Variants in KAZN observed in about 807,000 individuals in gnomAD.
The protein encoded by KAZN is kazrin.
In KAZN, 40 loss-of-function variants were observed where a neutral mutation model predicts 87.4. That is an observed-to-expected ratio of 0.46 (90% CI 0.36 to 0.60). KAZN has a LOEUF of 0.60. Ranked by LOEUF, KAZN falls within the 20% of genes least tolerant of loss-of-function variation. The pLI is 0.00. For missense variants in KAZN, 898 were observed against 1,073.9 expected, an observed-to-expected ratio of 0.84 and a Z score of 2.29; for synonymous variants, 466 against 458.3, an observed-to-expected ratio of 1.02 and a Z score of -0.22.
intron 1 of KAZN, among the ~76,000 whole-genome samples, chr1:14,114,929 G>T (rs1644581499): frequency 6.6e-6 from 1 of 152,182 alleles, no homozygotes; most frequent in Non-Finnish European, 1.5e-5. Context: ...TGGTTCACTT[G>T]CTTAGTGTTT....
intron 1 of KAZN, among the ~76,000 whole-genome samples, chr1:13,957,656 C>T (rs570510011): frequency 5.3e-5 from 8 of 151,974 alleles, no homozygotes; most frequent in Admixed American, 4.6e-4. Context: ...GTGCAGAGAT[C>T]GCCGGGTGAG....
intron 1 of KAZN, among the ~76,000 whole-genome samples, chr1:13,982,533 G>C (rs1638782151): frequency 6.6e-6 from 1 of 152,216 alleles, no homozygotes; most frequent in Admixed American, 6.5e-5. Flanking sequence ...CCACAGCATG[G>C]AAAGCGACCC....
intron 1 of KAZN, among the ~76,000 whole-genome samples, chr1:14,047,659 G>A (rs182618527): frequency 1.3e-5 from 2 of 152,294 alleles, no homozygotes; most frequent in East Asian, 3.9e-4. Context: ...CTTGAGGTCA[G>A]GAGCTTGAGA....
chr1:14,270,148 A>G (rs570676594), intron 2 of KAZN, among the ~76,000 whole-genome samples: 15 of 152,324 alleles, frequency 9.8e-5, no homozygotes, highest in African/African-American at 3.6e-4. Context: ...GAGACAAACC[A>G]CATCCAAACT....
chr1:14,509,437 T>C (rs1344386193), intron 2 of KAZN, among the ~76,000 whole-genome samples: 1 of 152,214 alleles, frequency 6.6e-6, no homozygotes, highest in Non-Finnish European at 1.5e-5. Context: ...TGGATGGAGA[T>C]GTGGCCCAGC....
intron 1 of KAZN, among the ~76,000 whole-genome samples, chr1:13,896,979 T>C (rs1249086436): frequency 6.6e-6 from 1 of 152,122 alleles, no homozygotes; most frequent in African/African-American, 2.4e-5. Context: ...AGTGGGAGCA[T>C]GAAGGTCTGG....
At chr1:13,923,781 A>G (rs924540132) in intron 1 of KAZN, among the ~76,000 whole-genome samples, 15 of 151,244 alleles carry the variant, frequency 9.9e-5, no homozygotes, top group African/African-American at 3.4e-4. Flanking sequence ...TGTCACTTTT[A>G]TTGAAATATA....
chr1:14,324,816 G>A (rs527777641), intron 2 of KAZN, among the ~76,000 whole-genome samples: 2 of 152,170 alleles, frequency 1.3e-5, no homozygotes, highest in South Asian at 4.2e-4. Flanking sequence ...AAGACTTACG[G>A]CTGCAAATAT....
chr1:14,313,060 C>T (rs1655410647), intron 2 of KAZN, among the ~76,000 whole-genome samples: 1 of 152,134 alleles, frequency 6.6e-6, no homozygotes, highest in African/African-American at 2.4e-5. Flanking sequence ...ACTAATACAA[C>T]ATGCATAGAG....
Position 14,790,528 on chromosome 1 carries a change from A to G in KAZN, c.227-170156A>G, listed in dbSNP as rs947536249. ...ACAGAGTTGTGCCACCATCACCACT[A>G]TCTAATTACAGAATGTTTACAGCAC... On this transcript the variant is annotated intron_variant, in intron 1 of 14. Transcript: ENST00000376030. Among the ~76,000 whole-genome samples the G allele has an allele frequency of 2.6e-5, 4 of 152,292 alleles. 1 individual carries two copies. Among genetic ancestry groups the G allele is most frequent in the South Asian group, 4.2e-4 (2 of 4,818 alleles).
chr1:14,021,756 A>T (rs926570), intron 1 of KAZN, among the ~76,000 whole-genome samples: 92,315 of 152,016 alleles, frequency 0.61, 29,250 homozygotes, highest in South Asian at 0.8. Flanking sequence ...AAGTGTCCTG[A>T]TGGTCAGCAT....
chr1:14,206,869 C>T (rs889207994), intron 2 of KAZN, among the ~76,000 whole-genome samples: 17 of 151,886 alleles, frequency 1.1e-4, no homozygotes, highest in Non-Finnish European at 4.4e-5. Flanking sequence ...CAGGTTGCTT[C>T]CAGGTTTTTC....
chr1:14,612,490 G>A (rs1190528773), intron 1 of KAZN, among the ~76,000 whole-genome samples: 1 of 152,150 alleles, frequency 6.6e-6, no homozygotes, highest in Non-Finnish European at 1.5e-5. Context: ...ATAAATCTGG[G>A]TTCAAGGGAA....
chr1:13,904,803 T>C (rs1162906229), intron 1 of KAZN, among the ~76,000 whole-genome samples: 1 of 152,194 alleles, frequency 6.6e-6, no homozygotes, highest in African/African-American at 2.4e-5. Flanking sequence ...GCATCTCAGA[T>C]GCAAATCATG....
chr1:14,923,920 G>C lies in KAZN; in HGVS notation c.227-36764G>C, dbSNP rs1658828860. 6.6e-6 allele frequency among the ~76,000 whole-genome samples: 1 copy of C among 152,150 alleles called. No homozygotes were observed. Among genetic ancestry groups the C allele is most frequent in the Non-Finnish European group, 1.5e-5 (1 of 68,010 alleles). On this transcript the variant is annotated intron_variant, in intron 1 of 14. Transcript: ENST00000376030. The surrounding 1 kb of genome is among the most constrained non-coding windows in gnomAD (Gnocchi z 4.2). ...CACAGCCACCCCTGTGACATCGGCC[G>C]TCTTTCTGACCCTCCGTGTCCCCGG... is the stretch of plus-strand genomic sequence containing the variant.
At chr1:14,530,285 G>A (rs1166512981) in intron 2 of KAZN, among the ~76,000 whole-genome samples, 5 of 152,188 alleles carry the variant, frequency 3.3e-5, no homozygotes, top group East Asian at 1.9e-4. Flanking sequence ...CAAAGAGCCC[G>A]CTCTAATCCA....
At chr1:14,280,190 A>G (rs1458577102) in intron 2 of KAZN, among the ~76,000 whole-genome samples, 1 of 151,674 alleles carries the variant, frequency 6.6e-6, no homozygotes, top group Non-Finnish European at 1.5e-5. Flanking sequence ...GTGAAGCCCC[A>G]TCTCTACTAA....
chr1:14,618,898 A>C (rs941965552), intron 1 of KAZN, among the ~76,000 whole-genome samples: 3 of 152,196 alleles, frequency 2.0e-5, no homozygotes, highest in Non-Finnish European at 4.4e-5. Flanking sequence ...CCTTCGCTTG[A>C]GTGGAAGTCT....
intron 2 of KAZN, among the ~76,000 whole-genome samples, chr1:14,301,337 T>C (rs563620210): frequency 2.0e-4 from 31 of 152,380 alleles, no homozygotes; most frequent in Non-Finnish European, 3.5e-4. Context: ...CCTGTACAAG[T>C]GTGGCTCTCC....
Sources: allele counts gnomAD v4.1 joint callset (sites outside exome capture counted in the v4.1 genomes callset), GRCh38; gene constraint gnomAD v4.1.1; non-coding constraint Gnocchi (gnomAD v3.1); transcripts MANE v1.5; gene names NCBI Gene and HGNC (gene_info 2026-07-23, HGNC 2026-07-21).